DTX4: variants seen among roughly 807,000 people sequenced by gnomAD.
The protein encoded by DTX4 is E3 ubiquitin-protein ligase DTX4.
A neutral mutation model predicts 57.6 loss-of-function variants in DTX4; 28 were observed. That is an observed-to-expected ratio of 0.49 (90% CI 0.36 to 0.67). The LOEUF (loss-of-function observed/expected upper bound fraction) is 0.67, where lower values mean the gene tolerates loss of function less well. Among genes scored for constraint, DTX4 ranks in the 30% least tolerant of loss-of-function variants. DTX4 has a pLI of 0.00. For missense variants in DTX4, 715 were observed against 836.8 expected, an observed-to-expected ratio of 0.85 and a Z score of 1.80; for synonymous variants, 316 against 331.0, an observed-to-expected ratio of 0.95 and a Z score of 0.49.
chr11:59,181,473 A>G (rs1862461076), intron 1 of DTX4, among the ~76,000 whole-genome samples: 1 of 152,206 alleles, frequency 6.6e-6, no homozygotes, highest in Non-Finnish European at 1.5e-5. Flanking sequence ...GCAAAGCAGG[A>G]GGCAGTCTTT....
Position 59,192,231 on chromosome 11 carries a change from T to C in DTX4, c.1355T>C (p.Met452Thr). 1 of 1,613,950 alleles carries C rather than the reference T, an allele frequency of 6.2e-7. No individual in the cohort carries two copies. Among genetic ancestry groups the C allele is most frequent in the Non-Finnish European group, 8.5e-7 (1 of 1,179,872 alleles). The change falls in exon 6 of 9, where the codon ATG becomes ACG. Residue 452 changes from methionine (M) to threonine (T), a missense_variant. Transcript: ENST00000227451. ...HVYHIYCLVAMYNNGNKDGSL... is the reference protein window; with the variant it reads ...HVYHIYCLVATYNNGNKDGSL... ...TACCACATCTACTGCTTGGTTGCCA[T>C]GTACAACAATGGGAACAAGGTCAGT...
chr11:59,186,086 C>A (rs996121886), intron 2 of DTX4, among the ~76,000 whole-genome samples: 1 of 152,166 alleles, frequency 6.6e-6, no homozygotes, highest in Non-Finnish European at 1.5e-5. Context: ...CCCCTTCTCC[C>A]CAGACCCCTC....
intron 2 of DTX4, among the ~76,000 whole-genome samples, chr11:59,186,049 C>T (rs181367856): frequency 1.1e-4 from 17 of 152,302 alleles, no homozygotes; most frequent in African/African-American, 3.8e-4. Context: ...TTCCATTACA[C>T]GGTTCTGGAT....
In DTX4 at chr11:59,205,799, C is replaced by G. The variant is rs1473948812; in HGVS notation, c.*890C>G. The stretch of plus-strand genomic sequence containing the variant: ...TTCATCGAGTCACTGTGAGTGGAGC[C>G]CATGCTGGGCTCTGTGCCCTCTGTG... On this transcript the variant is annotated 3_prime_UTR_variant, in exon 9 of 9. Transcript: ENST00000227451. 6.5e-6 allele frequency: 1 copy of G among 152,780 alleles called. No homozygotes were observed. Among genetic ancestry groups the G allele is most frequent in the Non-Finnish European group, 1.5e-5 (1 of 68,168 alleles). 9.5% of individuals were successfully genotyped at this position (152,780 alleles called of 1,614,324 possible). A position where few individuals can be genotyped will look rare whatever the true frequency, so the allele number is the denominator to read the frequency against.
rs1347558014 is a variant in DTX4 at position 59,182,389 on chromosome 11, G to A, written c.862G>A (p.Ala288Thr). ...PGPNSKTGRV[A>T]LATLNRTNLQ... ...ACCCAACAGCAAGACCGGAAGGGTG[G>A]CCCTGGCCACCTTGAATCGTACCAA... Residue 288 changes from alanine (A) to threonine (T), a missense_variant, in exon 2 of 9, where the codon GCC (alanine) becomes ACC (threonine). Physicochemically the swap from Ala to Thr is moderately conservative, Grantham distance 58. Coordinates refer to ENST00000227451, the MANE Select transcript of DTX4 (RefSeq NM_015177.2). 1.2e-6 allele frequency: 2 copies of A among 1,613,534 alleles called. No individual in the cohort carries two copies. The highest frequency in any genetic ancestry group is 1.7e-6 in the Non-Finnish European group (2 of 1,179,814).
At position 59,181,724 on chromosome 11, in the gene DTX4, A is replaced by G. The variant is rs1175985905; in HGVS notation, c.212-15A>G. On this transcript the variant is annotated splice_polypyrimidine_tract_variant and intron_variant, in intron 1 of 8. Coordinates refer to ENST00000227451, the MANE Select transcript of DTX4 (RefSeq NM_015177.2). Reference sequence around the variant, plus strand: ...GCATGCTGACTCTGACCTCTCCCCTATCCCACCCTGGCAGGAACTCTCCGC... The same window carrying G: ...GCATGCTGACTCTGACCTCTCCCCTGTCCCACCCTGGCAGGAACTCTCCGC... The G allele has an allele frequency of 1.9e-6, 3 of 1,581,822 alleles. No homozygotes were observed. The highest frequency in any genetic ancestry group is 2.2e-5 in the East Asian group (1 of 44,528).
At chr11:59,195,112 C>T in intron 6 of DTX4, 96 bp from the exon 7 acceptor site, 1 of 1,319,926 alleles carries the variant, frequency 7.6e-7, no homozygotes, top group Admixed American at 1.7e-5. Flanking sequence ...CATTTTGTTC[C>T]CCTGGCCCTT....
At chr11:59,179,921 GAC>G (rs145272277) in intron 1 of DTX4, among the ~76,000 whole-genome samples, 23 of 148,182 alleles carry the variant, frequency 1.6e-4, no homozygotes, top group Middle Eastern at 3.4e-3. Flanking sequence ...TACACACACA[GAC>G]ACACACACAC....
chr11:59,177,472 A>G (rs2135511773), intron 1 of DTX4, among the ~76,000 whole-genome samples: 1 of 152,352 alleles, frequency 6.6e-6, no homozygotes, highest in East Asian at 1.9e-4. Flanking sequence ...GAACTAATGG[A>G]CAGAGTGGCT....
At chr11:59,198,968 T>G (rs1029010576) in intron 7 of DTX4, among the ~76,000 whole-genome samples, 2 of 152,240 alleles carry the variant, frequency 1.3e-5, no homozygotes, top group African/African-American at 4.8e-5. Flanking sequence ...TTCAGTTTTT[T>G]TCTCACCAAG....
At chr11:59,203,107 CTG>C (rs936972953) in intron 8 of DTX4, among the ~76,000 whole-genome samples, 3 of 152,194 alleles carry the variant, frequency 2.0e-5, no homozygotes, top group African/African-American at 4.8e-5. Flanking sequence ...TTGGGTGAAT[CTG>C]TGAGTGAATG....
chr11:59,190,984 CA>C, intron 4 of DTX4, 129 bp from the exon 5 acceptor site: 1 of 751,812 alleles, frequency 1.3e-6, no homozygotes, highest in Admixed American at 2.8e-5. Flanking sequence ...ACTTAAATTG[CA>C]GAAGGAATTC....
At chr11:59,181,654 A>G (rs1018576937) in intron 1 of DTX4, 85 bp from the exon 2 acceptor site, 49 of 1,498,646 alleles carry the variant, frequency 3.3e-5, no homozygotes, top group Non-Finnish European at 4.1e-5. Flanking sequence ...GTTTGCCATT[A>G]TGGCAATGGC....
rs766451228 is a variant in DTX4, at chr11:59,204,865, G to GC, written c.1819dup (p.Gln607ProfsTer5). The GC allele has an allele frequency of 6.2e-7, 1 of 1,600,174 alleles. No individual in the cohort carries two copies. Among genetic ancestry groups the GC allele is most frequent in the South Asian group, 1.1e-5 (1 of 88,714 alleles). On this transcript the variant is annotated frameshift_variant, in exon 9 of 9. Transcript: ENST00000227451. LOFTEE classifies it high-confidence loss of function. The stretch of plus-strand genomic sequence containing the variant: ...GGATAATGTGCTGGCTGAACTGGCT[G>GC]CCCAGGGCATCTCTGAGGACAGCAC...
chr11:59,182,333 C>T lies in DTX4; in HGVS notation c.806C>T (p.Thr269Ile), dbSNP rs370051674. ...RRQASSMPTG[T>I]TMGSPASPPG... ...CAAGCCTCCAGCATGCCCACTGGGACAACCATGGGCTCTCCTGCCAGTCCC... is the reference window on the plus strand; with the variant it reads ...CAAGCCTCCAGCATGCCCACTGGGATAACCATGGGCTCTCCTGCCAGTCCC... Residue 269 changes from threonine (T) to isoleucine (I), a missense_variant, in exon 2 of 9, where the codon ACA becomes ATA. Transcript: ENST00000227451. The T allele has an allele frequency of 1.2e-6, 2 of 1,613,062 alleles. No individual in the cohort carries two copies. The highest frequency in any genetic ancestry group is 2.2e-5 in the South Asian group (2 of 91,048).
intron 6 of DTX4, 43 bp downstream of exon 6, chr11:59,192,293 G>A: frequency 6.2e-7 from 1 of 1,610,808 alleles, no homozygotes; most frequent in Non-Finnish European, 8.5e-7. Context: ...TTCACACTGG[G>A]CTCTGGAGTA....
At chr11:59,203,129 A>G (rs917450831) in intron 8 of DTX4, among the ~76,000 whole-genome samples, 6 of 152,272 alleles carry the variant, frequency 3.9e-5, no homozygotes, top group African/African-American at 1.4e-4. Context: ...GTGAAGGCCT[A>G]GGACATTGCT....
intron 7 of DTX4, 42 bp downstream of exon 7, chr11:59,195,411 T>A: frequency 6.4e-7 from 1 of 1,559,418 alleles, no homozygotes; most frequent in Non-Finnish European, 8.7e-7. Flanking sequence ...CACCCCTTGG[T>A]TTTTATTGTT....
chr11:59,189,051 G>T, intron 3 of DTX4, 111 bp from the exon 4 acceptor site: 2 of 1,331,254 alleles, frequency 1.5e-6, no homozygotes, highest in Non-Finnish European at 1.0e-6. Context: ...CAGGAATTAT[G>T]AGAACTTTCT....
Sources: gnomAD v4.1 joint callset for allele counts (sites outside exome capture counted in the v4.1 genomes callset) on GRCh38, gnomAD v4.1.1 for gene constraint, MANE v1.5 for transcripts, NCBI Gene and HGNC (gene_info 2026-07-23, HGNC 2026-07-21) for gene names.